Variants in DENND5B observed in about 807,000 individuals in gnomAD.
DENND5B encodes the protein DENN domain-containing protein 5B.
A neutral mutation model predicts 140.6 loss-of-function variants in DENND5B; 34 were observed. The ratio of observed to expected loss-of-function variants is 0.24; its 90% CI spans 0.18 to 0.32. DENND5B has a LOEUF of 0.32. Ranked by LOEUF, DENND5B falls within the 10% of genes least tolerant of loss-of-function variation. DENND5B has a pLI of 1.00. For synonymous variants in DENND5B, 551 were observed against 562.1 expected (o/e 0.98, Z 0.28); for missense variants, 1,142 against 1,560.2 (o/e 0.73, Z 4.52).
At chr12:31,391,371 A>C (rs1941132977) in intron 19 of DENND5B, among the ~76,000 whole-genome samples, 1 of 152,108 alleles carries the variant, frequency 6.6e-6, no homozygotes. Context: ...AAACCACCCC[A>C]TTTGAAAGAC....
At chr12:31,490,699 T>A (rs1400651833) in intron 2 of DENND5B, among the ~76,000 whole-genome samples, 1 of 152,214 alleles carries the variant, frequency 6.6e-6, no homozygotes, top group African/African-American at 2.4e-5. Flanking sequence ...AACCTATGAA[T>A]GTAATTTGGG....
chr12:31,534,657 T>A, intron 1 of DENND5B: 1 of 225,248 alleles, frequency 4.4e-6, no homozygotes, highest in Non-Finnish European at 9.3e-6. Flanking sequence ...GGGAATATTT[T>A]ATATCTTGCA....
intron 17 of DENND5B, among the ~76,000 whole-genome samples, chr12:31,395,273 C>G (rs947045329): frequency 6.6e-6 from 1 of 152,180 alleles, no homozygotes; most frequent in African/African-American, 2.4e-5. Flanking sequence ...TGTTACTCCA[C>G]ATCCTCACCA....
intron 1 of DENND5B, among the ~76,000 whole-genome samples, chr12:31,521,300 T>C (rs1037806562): frequency 2.2e-5 from 3 of 135,186 alleles, no homozygotes; most frequent in Non-Finnish European, 3.1e-5. Context: ...ACATTCACTT[T>C]AGTACAAAAA....
intron 14 of DENND5B, among the ~76,000 whole-genome samples, chr12:31,405,708 C>T (rs1483414674): frequency 2.6e-5 from 4 of 151,658 alleles, no homozygotes; most frequent in East Asian, 1.9e-4. Context: ...CCACCGTGCC[C>T]AGCTAATTTT....
chr12:31,529,752 A>C (rs867035896), intron 1 of DENND5B, among the ~76,000 whole-genome samples: 15 of 151,952 alleles, frequency 9.9e-5, no homozygotes, highest in Non-Finnish European at 2.1e-4. Context: ...AAAAAAGAAA[A>C]CATCCTTTAA....
chr12:31,519,954 T>C (rs1415324147), intron 1 of DENND5B, among the ~76,000 whole-genome samples: 2 of 152,210 alleles, frequency 1.3e-5, no homozygotes, highest in Admixed American at 1.3e-4. Context: ...GAGAGACTTT[T>C]TGATATGGTA....
At chr12:31,554,621 T>A (rs868460201) in intron 1 of DENND5B, among the ~76,000 whole-genome samples, 4 of 152,332 alleles carry the variant, frequency 2.6e-5, no homozygotes, top group Middle Eastern at 3.4e-3. Context: ...CCTTGCTAGA[T>A]TGGGGAAGTT....
chr12:31,479,657 C>A lies in DENND5B; in HGVS notation c.836G>T (p.Gly279Val). The A allele has an allele frequency of 6.4e-7, 1 of 1,564,804 alleles. No individual in the cohort carries two copies. The highest frequency in any genetic ancestry group is 1.9e-5 in the Admixed American group (1 of 52,136). Residue 279 changes from glycine to valine, a missense_variant, in exon 3 of 21, where the codon GGA becomes GTA. This residue lies in a region of DENND5B where 708 missense variants were observed against 905.5 expected (regional missense o/e 0.78). Transcript: ENST00000389082. ...AAACACCTGCACCAGGTTCTCTAAT[C>A]CCAGGAGCTCAAATGCCTCCCGAAG... is the stretch of plus-strand genomic sequence containing the variant. ...YPLREAFELL[G>V]LENLVQVFTC...
intron 3 of DENND5B, among the ~76,000 whole-genome samples, chr12:31,467,637 A>C (rs1284492224): frequency 6.6e-6 from 1 of 152,156 alleles, no homozygotes; most frequent in African/African-American, 2.4e-5. Context: ...AAACAAAATA[A>C]GGTCACTATG....
chr12:31,401,839 C>T lies in DENND5B; in HGVS notation c.2949+659G>A, dbSNP rs188891144. On this transcript the variant is annotated intron_variant, in intron 15 of 20. Coordinates refer to ENST00000389082, the MANE Select transcript of DENND5B (RefSeq NM_144973.4). Reference sequence around the variant, plus strand: ...GTCTCACCATGTTGCCCAGGCTGGTCGTCTCAAACTCCTGGGCTCAAGCAA... The same window carrying T: ...GTCTCACCATGTTGCCCAGGCTGGTTGTCTCAAACTCCTGGGCTCAAGCAA... Among the ~76,000 whole-genome samples, 629 of 152,054 alleles carry T rather than the reference C, an allele frequency of 4.1e-3. 6 individuals carry two copies. Among genetic ancestry groups the T allele is most frequent in the Non-Finnish European group, 6.5e-3 (444 of 67,994 alleles).
At chr12:31,589,060 C>A (rs1950504692) in intron 1 of DENND5B, among the ~76,000 whole-genome samples, 1 of 152,096 alleles carries the variant, frequency 6.6e-6, no homozygotes, top group Non-Finnish European at 1.5e-5. Flanking sequence ...TAGGTCACAC[C>A]TAAAAGGTAC....
intron 20 of DENND5B, 46 bp downstream of exon 20, chr12:31,389,278 T>C (rs762901082): frequency 3.8e-6 from 6 of 1,564,448 alleles, no homozygotes; most frequent in Non-Finnish European, 5.2e-6. Flanking sequence ...TGGACTCTAG[T>C]TCAACATGTG....
At chr12:31,443,055 T>C in intron 6 of DENND5B, 130 bp from the exon 7 acceptor site, 1 of 825,044 alleles carries the variant, frequency 1.2e-6, no homozygotes, top group Non-Finnish European at 1.8e-6. Context: ...TGTGTGTGTG[T>C]GTGTGTGTGC....
chr12:31,543,486 A>G (rs1477051575), intron 1 of DENND5B, among the ~76,000 whole-genome samples: 1 of 152,214 alleles, frequency 6.6e-6, no homozygotes, highest in Non-Finnish European at 1.5e-5. Context: ...AAAAAAACCC[A>G]CTAGGCTGTT....
chr12:31,388,988 A>C (rs750697289), intron 20 of DENND5B, among the ~76,000 whole-genome samples: 5 of 152,006 alleles, frequency 3.3e-5, no homozygotes, highest in Non-Finnish European at 5.9e-5. Flanking sequence ...GCTCTGTCTC[A>C]TTTTTCTGTG....
chr12:31,478,905 CAT>C (rs1180441632), intron 3 of DENND5B, among the ~76,000 whole-genome samples: 1 of 152,074 alleles, frequency 6.6e-6, no homozygotes, highest in Non-Finnish European at 1.5e-5. Context: ...AAATAAAATC[CAT>C]AGTTTGTTAT....
intron 8 of DENND5B, 119 bp downstream of exon 8, chr12:31,433,036 T>C (rs1943582527): frequency 1.1e-6 from 1 of 871,988 alleles, no homozygotes; most frequent in South Asian, 1.6e-5. Flanking sequence ...TTTTAAACTA[T>C]AACTAAACAG....
chr12:31,467,382 TG>T (rs1945315198), intron 3 of DENND5B, among the ~76,000 whole-genome samples: 1 of 151,964 alleles, frequency 6.6e-6, no homozygotes, highest in Non-Finnish European at 1.5e-5. Flanking sequence ...CCCAGCACTT[TG>T]GGAGGCTGAG....
Sources: gnomAD v4.1 joint callset for allele counts (sites outside exome capture counted in the v4.1 genomes callset) on GRCh38, gnomAD v4.1.1 for gene constraint, gnomAD v4.1.1 regional missense constraint, MANE v1.5 for transcripts, NCBI Gene and HGNC (gene_info 2026-07-23, HGNC 2026-07-21) for gene names.